ROBO1: variants seen among roughly 807,000 people sequenced by gnomAD.
ROBO1 encodes the protein roundabout homolog 1.
Under a neutral mutation model 195.9 loss-of-function variants are expected in ROBO1, and 149 were observed. The ratio of observed to expected loss-of-function variants is 0.76; its 90% CI spans 0.67 to 0.87. The LOEUF (loss-of-function observed/expected upper bound fraction) is 0.87, where lower values mean the gene tolerates loss of function less well. Ranked by LOEUF, ROBO1 falls within the 40% of genes least tolerant of loss-of-function variation. The pLI is 0.00. For missense variants in ROBO1, 1,933 were observed against 2,068.3 expected, an observed-to-expected ratio of 0.93 and a Z score of 1.27; for synonymous variants, 816 against 733.2, an observed-to-expected ratio of 1.11 and a Z score of -1.82.
intron 2 of ROBO1, among the ~76,000 whole-genome samples, chr3:79,483,214 T>C (rs1399712820): frequency 1.3e-5 from 2 of 152,162 alleles, no homozygotes; most frequent in Non-Finnish European, 1.5e-5. Flanking sequence ...AGAGACATTG[T>C]GAAAAATGGC....
chr3:79,571,696 T>C (rs1001871809), intron 2 of ROBO1, among the ~76,000 whole-genome samples: 6 of 152,138 alleles, frequency 3.9e-5, no homozygotes, highest in African/African-American at 1.4e-4. Flanking sequence ...TGTAAACTTT[T>C]AAATTGATTC....
intron 2 of ROBO1, among the ~76,000 whole-genome samples, chr3:79,514,336 A>T (rs936015754): frequency 1.3e-5 from 2 of 152,164 alleles, no homozygotes; most frequent in African/African-American, 4.8e-5. Context: ...AATTTCTCTC[A>T]TATTTTTACA....
intron 2 of ROBO1, among the ~76,000 whole-genome samples, chr3:79,546,227 A>G (rs1942259962): frequency 6.6e-6 from 1 of 152,102 alleles, no homozygotes; most frequent in African/African-American, 2.4e-5. Flanking sequence ...AAAATACAGC[A>G]TATAATACAT....
intron 2 of ROBO1, among the ~76,000 whole-genome samples, chr3:79,153,228 G>T (rs1312029577): frequency 1.3e-5 from 2 of 151,668 alleles, no homozygotes; most frequent in Admixed American, 1.3e-4. Flanking sequence ...GAAGAACCAT[G>T]CTGCACCAAG....
At chr3:79,496,084 G>C (rs148873978) in intron 2 of ROBO1, among the ~76,000 whole-genome samples, 5 of 151,686 alleles carry the variant, frequency 3.3e-5, no homozygotes, top group African/African-American at 1.2e-4. Flanking sequence ...GTGGTGGTAC[G>C]TGCCTGGAAT....
At chr3:79,278,194 G>A (rs2031209700) in intron 2 of ROBO1, among the ~76,000 whole-genome samples, 1 of 152,092 alleles carries the variant, frequency 6.6e-6, no homozygotes, top group Admixed American at 6.6e-5. Flanking sequence ...GACATTCCAT[G>A]TTCATGGATC....
chr3:79,274,668 G>GA (rs926702734), intron 2 of ROBO1, among the ~76,000 whole-genome samples: 3 of 151,056 alleles, frequency 2.0e-5, no homozygotes, highest in African/African-American at 7.3e-5. Flanking sequence ...GCAATTAAAA[G>GA]AAAAAAATAC....
intron 2 of ROBO1, among the ~76,000 whole-genome samples, chr3:79,402,662 T>C (rs1184718227): frequency 2.0e-5 from 3 of 151,918 alleles, no homozygotes; most frequent in African/African-American, 7.2e-5. Flanking sequence ...AGAGAGATCA[T>C]GCCAGTTCTC....
In ROBO1 at chr3:79,767,849, A is replaced by T. The variant is rs1220909597; in HGVS notation, c.-148T>A. ...CTGAGACCTTTCCGAGTTTAAACCA[A>T]GCGAAAGGTGACAGACTTTTAAACC... On this transcript the variant is annotated 5_prime_UTR_variant, in exon 1 of 31. In the 5' UTR this introduces an upstream ATG that the reference lacks. Transcript: ENST00000464233. 6.6e-6 allele frequency: 1 copy of T among 152,214 alleles called. No homozygotes were observed. Among genetic ancestry groups the T allele is most frequent in the Non-Finnish European group, 1.5e-5 (1 of 68,060 alleles). The allele number at this position is 152,214 out of a possible 1,614,324, so 9.4% of individuals were successfully genotyped here. A position where few individuals can be genotyped will look rare whatever the true frequency, so the allele number is the denominator to read the frequency against.
chr3:79,319,794 A>G (rs1232130793), intron 2 of ROBO1, among the ~76,000 whole-genome samples: 1 of 152,192 alleles, frequency 6.6e-6, no homozygotes, highest in African/African-American at 2.4e-5. Context: ...AATGCCTACC[A>G]TAACATATAA....
At chr3:78,947,223 C>T (rs1026671045) in intron 3 of ROBO1, among the ~76,000 whole-genome samples, 5 of 152,090 alleles carry the variant, frequency 3.3e-5, no homozygotes, top group African/African-American at 1.2e-4. Context: ...AATATACATT[C>T]TTTTCAGCAC....
chr3:79,636,553 C>T (rs1399298968), intron 1 of ROBO1, among the ~76,000 whole-genome samples: 1 of 152,042 alleles, frequency 6.6e-6, no homozygotes, highest in African/African-American at 2.4e-5. Context: ...CTGAAGCTTC[C>T]GATGACAACC....
intron 1 of ROBO1, among the ~76,000 whole-genome samples, chr3:79,711,301 T>TACG (rs1488911766): frequency 4.6e-5 from 7 of 152,144 alleles, no homozygotes; most frequent in African/African-American, 1.7e-4. Flanking sequence ...ATCAACTTGT[T>TACG]ACGTTGTAAA....
chr3:78,722,481 A>G (rs908816384), intron 5 of ROBO1, among the ~76,000 whole-genome samples: 1 of 152,156 alleles, frequency 6.6e-6, no homozygotes, highest in South Asian at 2.1e-4. Context: ...GCAGCAATAT[A>G]AAACAAATCA....
At chr3:79,412,034 G>T (rs981131201) in intron 2 of ROBO1, among the ~76,000 whole-genome samples, 1 of 151,990 alleles carries the variant, frequency 6.6e-6, no homozygotes, top group Non-Finnish European at 1.5e-5. Flanking sequence ...AGCCATGCCA[G>T]GTAAAAATAA....
At chr3:79,767,440 T>C (rs983660108) in intron 1 of ROBO1, among the ~76,000 whole-genome samples, 6 of 152,144 alleles carry the variant, frequency 3.9e-5, no homozygotes, top group Non-Finnish European at 5.9e-5. Flanking sequence ...AAAACTTCTT[T>C]GTTAAGCAGC....
chr3:79,352,647 C>T (rs1472220362), intron 2 of ROBO1, among the ~76,000 whole-genome samples: 1 of 152,152 alleles, frequency 6.6e-6, no homozygotes, highest in Non-Finnish European at 1.5e-5. Flanking sequence ...CCCCTTTCTA[C>T]TCACACTCTG....
chr3:78,599,086 A>G (rs1048658294), intron 30 of ROBO1, among the ~76,000 whole-genome samples, 159 bp from the exon 31 acceptor site: 3 of 152,258 alleles, frequency 2.0e-5, no homozygotes, highest in South Asian at 2.1e-4. Context: ...TCATTCATCA[A>G]CCTTAATTGG....
rs189089312 is a variant in ROBO1, at chr3:78,657,200, C to T, written c.2512G>A (p.Val838Ile). ...ATTCCAGGAACAAGAAAGGGAATGACCACGGAAAAGGTGGAACCATCCACT... is the reference window on the plus strand; with the variant it reads ...ATTCCAGGAACAAGAAAGGGAATGATCACGGAAAAGGTGGAACCATCCACT... ...KTVDGSTFSV[V>I]IPFLVPGIRY... Residue 838 changes from valine (V) to isoleucine (I), a missense_variant, in exon 18 of 31, where the codon GTC becomes ATC. Val to Ile is a conservative substitution (Grantham distance 29). Around this residue, in one of 3 missense-constraint regions of ROBO1, gnomAD observed 1,737 missense variants for 1,882.5 expected, o/e 0.92. Coordinates refer to ENST00000464233, the MANE Select transcript of ROBO1 (RefSeq NM_002941.4). The T allele has an allele frequency of 2.6e-5, 42 of 1,613,490 alleles. No individual in the cohort carries two copies. In the Admixed American group the frequency reaches 6.8e-4, roughly 26 times the overall value.
Sources: allele counts gnomAD v4.1 joint callset (sites outside exome capture counted in the v4.1 genomes callset), GRCh38; gene constraint gnomAD v4.1.1; regional missense constraint gnomAD v4.1.1; transcripts MANE v1.5; gene names NCBI Gene and HGNC (gene_info 2026-07-23, HGNC 2026-07-21).